Variants in IDH3A observed in about 807,000 individuals in gnomAD.
IDH3A encodes the protein isocitrate dehydrogenase (NAD(+)) 3 catalytic subunit alpha, also known as isocitrate dehydrogenase [NAD] subunit alpha, mitochondrial.
In IDH3A, 23 loss-of-function variants were observed where a neutral mutation model predicts 43.3. The observed-to-expected ratio is 0.53, with a 90% CI of 0.38 to 0.75. The LOEUF (loss-of-function observed/expected upper bound fraction) is 0.75, where lower values mean the gene tolerates loss of function less well. Ranked by LOEUF, IDH3A falls within the 30% of genes least tolerant of loss-of-function variation. The pLI, the probability that IDH3A is intolerant of heterozygous loss-of-function variation, is 0.00. For synonymous variants in IDH3A, 154 were observed against 163.5 expected (o/e 0.94, Z 0.44); for missense variants, 329 against 474.4 (o/e 0.69, Z 2.85).
At chr15:78,160,338 A>G (rs1335386719) in intron 4 of IDH3A, 132 bp downstream of exon 4, 4 of 593,886 alleles carry the variant, frequency 6.7e-6, no homozygotes, top group Non-Finnish European at 1.2e-5. Flanking sequence ...TTATGAAGTA[A>G]CTACTCATAG....
Position 78,169,049 on chromosome 15 carries a change from C to A in IDH3A, c.*44C>A, listed in dbSNP as rs761023185. Reference sequence around the variant, plus strand: ...TTACATCAGTCACTCTAAATGGACACCACATGAACCTCTGTTTAGAATACC... The same window carrying A: ...TTACATCAGTCACTCTAAATGGACAACACATGAACCTCTGTTTAGAATACC... On this transcript the variant is annotated 3_prime_UTR_variant, in exon 11 of 11. Transcript: ENST00000299518. 1.7e-6 allele frequency: 2 copies of A among 1,183,504 alleles called. No individual in the cohort carries two copies. Among genetic ancestry groups the A allele is most frequent in the South Asian group, 2.5e-5 (2 of 78,724 alleles). 73.3% of individuals were successfully genotyped at this position (1,183,504 alleles called of 1,614,324 possible).
intron 1 of IDH3A, among the ~76,000 whole-genome samples, chr15:78,150,142 C>T (rs895530908): frequency 6.6e-6 from 1 of 152,228 alleles, no homozygotes. Context: ...ATCCTGCAAT[C>T]TGGAGCGCTT....
intron 4 of IDH3A, 41 bp downstream of exon 4, chr15:78,160,247 C>A: frequency 8.5e-7 from 1 of 1,176,430 alleles, no homozygotes; most frequent in Non-Finnish European, 1.3e-6. Context: ...CAGATTTCCG[C>A]TACAGGGGTT....
Position 78,163,783 on chromosome 15 carries a change from G to A in IDH3A, c.779+3G>A, listed in dbSNP as rs761281762. On this transcript the variant is annotated splice_donor_region_variant and intron_variant, in intron 8 of 10. Transcript: ENST00000299518. Reference sequence around the variant, plus strand: ...AATTTGTATGGAGACATCCTTAGGTGAGTCTGGCTGCAACCTATTTATTTT... The same window carrying A: ...AATTTGTATGGAGACATCCTTAGGTAAGTCTGGCTGCAACCTATTTATTTT... The A allele has an allele frequency of 3.8e-6, 6 of 1,594,380 alleles. No homozygotes were observed. The highest frequency in any genetic ancestry group is 4.3e-6 in the Non-Finnish European group (5 of 1,162,156).
chr15:78,171,337 C>A lies in IDH3A; in HGVS notation c.*2332C>A. The A allele has an allele frequency of 3.5e-6, 3 of 865,812 alleles. No homozygotes were observed. The highest frequency in any genetic ancestry group is 5.4e-6 in the Non-Finnish European group (3 of 551,674). 53.6% of individuals were successfully genotyped at this position (865,812 alleles called of 1,614,324 possible). A position where few individuals can be genotyped will look rare whatever the true frequency, so the allele number is the denominator to read the frequency against. On this transcript the variant is annotated 3_prime_UTR_variant, in exon 11 of 11. Transcript: ENST00000299518. ...GCTGTGCCCTGACCTGGAGATCTAA[C>A]AGACTTGGCAGAAATGCCTGTGCCC...
At position 78,167,302 on chromosome 15, in the gene IDH3A, A is replaced by G. The variant is rs550035817; in HGVS notation, c.1017+1000A>G. ...AAACTGAGGTACAGAGAGAATAAAT[A>G]ATATGTCCAAGGTTTTACAGCTCCT... On this transcript the variant is annotated intron_variant, in intron 10 of 10. Transcript: ENST00000299518. Among the ~76,000 whole-genome samples, 3 of 152,340 alleles carry G rather than the reference A, an allele frequency of 2.0e-5. No individual in the cohort carries two copies. The East Asian group carries it at 5.8e-4, about 29-fold the overall frequency.
At chr15:78,157,862 C>T (rs4570804) in intron 3 of IDH3A, among the ~76,000 whole-genome samples, 9,591 of 150,814 alleles carry the variant, frequency 0.064, 359 homozygotes, top group South Asian at 0.19. Flanking sequence ...TGAGGTCTCG[C>T]TCTATTCCCA....
rs2141314060 is a variant in IDH3A at position 78,171,529 on chromosome 15, C to T, written c.*2524C>T. The T allele has an allele frequency of 1.9e-6, 3 of 1,613,792 alleles. No homozygotes were observed. The highest frequency in any genetic ancestry group is 2.5e-6 in the Non-Finnish European group (3 of 1,179,762). ...GAGCCGTTTCAGTTTCATCGTGGGA[C>T]CTAAAAGGGAAATGAGAAGAAATGA... On this transcript the variant is annotated 3_prime_UTR_variant, in exon 11 of 11. Coordinates refer to ENST00000299518, the MANE Select transcript of IDH3A (RefSeq NM_005530.3).
chr15:78,151,866 C>G (rs537772858), intron 1 of IDH3A, among the ~76,000 whole-genome samples: 5 of 151,922 alleles, frequency 3.3e-5, no homozygotes, highest in African/African-American at 1.2e-4. Context: ...TTCCATGAAG[C>G]TGGGACTACT....
Position 78,162,315 on chromosome 15 carries a change from G to T in IDH3A, c.559G>T (p.Ala187Ser). 6.2e-7 allele frequency: 1 copy of T among 1,614,136 alleles called. No homozygotes were observed. Among genetic ancestry groups the T allele is most frequent in the Admixed American group, 1.7e-5 (1 of 60,004 alleles). The change falls in exon 6 of 11, where the codon GCC (alanine) becomes TCC (serine). Residue 187 changes from alanine to serine, a missense_variant. By Grantham distance (99) the Ala-to-Ser change is moderately conservative. Coordinates refer to ENST00000299518, the MANE Select transcript of IDH3A (RefSeq NM_005530.3). Reference protein sequence around the residue: ...KRIAEFAFEYARNNHRSNVTA... With the variant: ...KRIAEFAFEYSRNNHRSNVTA... The stretch of plus-strand genomic sequence containing the variant: ...CATTGCTGAGTTTGCCTTTGAGTAT[G>T]CCCGGAACAACCACCGGAGCAACGT...
chr15:78,163,224 A>G (rs190404971), intron 6 of IDH3A, among the ~76,000 whole-genome samples: 14 of 152,330 alleles, frequency 9.2e-5, no homozygotes, highest in Non-Finnish European at 2.1e-4. Context: ...TAATAATATT[A>G]GTGGGTATTT....
chr15:78,164,903 G>T, intron 8 of IDH3A, 89 bp from the exon 9 acceptor site: 1 of 995,304 alleles, frequency 1.0e-6, no homozygotes, highest in Non-Finnish European at 1.6e-6. Flanking sequence ...TCCTTTTAGT[G>T]GAGAATGATA....
chr15:78,163,414 C>T, intron 6 of IDH3A, 93 bp from the exon 7 acceptor site: 6 of 848,322 alleles, frequency 7.1e-6, no homozygotes, highest in Non-Finnish European at 1.1e-5. Context: ...GCTTCTGGAA[C>T]TTAAATGTCT....
At chr15:78,157,364 G>A in intron 2 of IDH3A, 184 bp from the exon 3 acceptor site, 1 of 625,784 alleles carries the variant, frequency 1.6e-6, no homozygotes, top group Middle Eastern at 4.4e-4. Context: ...GGATTGCAGA[G>A]TCTCTCCTCT....
intron 1 of IDH3A, 78 bp from the exon 2 acceptor site, chr15:78,155,135 C>T: frequency 2.1e-6 from 2 of 969,160 alleles, no homozygotes; most frequent in Non-Finnish European, 3.3e-6. Context: ...CATTACCATC[C>T]ATCAGGACTT....
chr15:78,162,527 T>G (rs1567071529), intron 6 of IDH3A, among the ~76,000 whole-genome samples, 160 bp downstream of exon 6: 1 of 148,824 alleles, frequency 6.7e-6, no homozygotes, highest in Admixed American at 6.8e-5. Context: ...TCTGTCGGAG[T>G]CTCCTCTTTT....
intron 2 of IDH3A, chr15:78,156,849 T>C (rs2074627208): frequency 7.8e-7 from 1 of 1,285,312 alleles, no homozygotes; most frequent in African/African-American, 1.5e-5. Context: ...TAATTGTCAT[T>C]CTAAGTGTGA....
rs911906994 is a variant in IDH3A at position 78,166,235 on chromosome 15, A to G, written c.950A>G (p.His317Arg). 4.3e-6 allele frequency: 7 copies of G among 1,614,042 alleles called. No homozygotes were observed. The highest frequency in any genetic ancestry group is 5.9e-6 in the Non-Finnish European group (7 of 1,180,010). The change falls in exon 10 of 11, where the codon CAC becomes CGC. Residue 317 changes from histidine to arginine, a missense_variant. His to Arg is a conservative substitution (Grantham distance 29, BLOSUM62 0). This residue lies in a region of IDH3A where 91 missense variants were observed against 111.6 expected (regional missense o/e 0.82). Transcript: ENST00000299518. ...LLLSAVMMLRHMGLFDHAARI... is the reference protein window; with the variant it reads ...LLLSAVMMLRRMGLFDHAARI... ...CTCAGTGCCGTGATGATGCTGCGCCACATGGGACTTTTTGACCATGCTGCA... is the reference window on the plus strand; with the variant it reads ...CTCAGTGCCGTGATGATGCTGCGCCGCATGGGACTTTTTGACCATGCTGCA...
Position 78,171,436 on chromosome 15 carries a change from G to C in IDH3A, c.*2431G>C, listed in dbSNP as rs1216247687. On this transcript the variant is annotated 3_prime_UTR_variant, in exon 11 of 11. Coordinates refer to ENST00000299518, the MANE Select transcript of IDH3A (RefSeq NM_005530.3). ...CTATTCTATAGAAACTGCAGGCATA[G>C]GCCCTGATTACATTTTTTGCTCTTG... 6.2e-7 allele frequency: 1 copy of C among 1,612,438 alleles called. No homozygotes were observed. The highest frequency in any genetic ancestry group is 1.7e-5 in the Admixed American group (1 of 60,004).
Sources: gnomAD v4.1 joint callset for allele counts (sites outside exome capture counted in the v4.1 genomes callset) on GRCh38, gnomAD v4.1.1 for gene constraint, gnomAD v4.1.1 regional missense constraint, MANE v1.5 for transcripts, NCBI Gene and HGNC (gene_info 2026-07-23, HGNC 2026-07-21) for gene names.